ANKLE2: variants seen among roughly 807,000 people sequenced by gnomAD.
ANKLE2 encodes ankyrin repeat and LEM domain containing 2, also known as ankyrin repeat and LEM domain-containing protein 2.
ANKLE2 carries 55 observed loss-of-function variants against 84.2 expected under a neutral mutation model. The observed-to-expected ratio is 0.65, with a 90% CI of 0.53 to 0.82. The LOEUF is 0.82. Among genes scored for constraint, ANKLE2 ranks in the 40% least tolerant of loss-of-function variants. ANKLE2 has a pLI of 0.00. For missense variants in ANKLE2, 1,238 were observed against 1,201.9 expected, an observed-to-expected ratio of 1.03 and a Z score of -0.44; for synonymous variants, 551 against 486.1, an observed-to-expected ratio of 1.13 and a Z score of -1.76.
chr12:132,734,699 C>T, intron 9 of ANKLE2, 124 bp from the exon 10 acceptor site: 2 of 1,023,632 alleles, frequency 2.0e-6, no homozygotes, highest in South Asian at 1.7e-5. Flanking sequence ...TATAATTTTC[C>T]TTTATCCTTA....
rs773120977 is a variant in ANKLE2, at chr12:132,743,251, G to A, written c.1256C>T (p.Ala419Val). Residue 419 changes from alanine to valine, a missense_variant, in exon 6 of 13, where the codon GCT (alanine) becomes GTT (valine). Around this residue, in one of 3 missense-constraint regions of ANKLE2, gnomAD observed 802 missense variants for 774.5 expected, o/e 1.04. Transcript: ENST00000357997. The surrounding 1 kb of genome is among the most constrained non-coding windows in gnomAD (Gnocchi z 4.1). ...KMGYDTPLHF[A>V]CKFGNADVVN... ...TACATCTGCATTTCCAAACTTACAA[G>A]CAAAATGCAACGGTGTGTCATAGCC... 1 of 1,611,170 alleles carries A rather than the reference G, an allele frequency of 6.2e-7. No individual in the cohort carries two copies. Among genetic ancestry groups the A allele is most frequent in the Non-Finnish European group, 8.5e-7 (1 of 1,178,650 alleles).
chr12:132,730,532 G>A (rs2043819962), intron 10 of ANKLE2: 1 of 440,382 alleles, frequency 2.3e-6, no homozygotes, highest in African/African-American at 1.9e-5. Context: ...GACACAATCA[G>A]GCTGCTGGGG....
At chr12:132,731,104 G>A (rs1237873573) in intron 10 of ANKLE2, 1 of 152,354 alleles carries the variant, frequency 6.6e-6, no homozygotes, top group East Asian at 1.9e-4. Context: ...GAAATGTCCC[G>A]TTTGGTGTTC....
chr12:132,756,241 A>C (rs1159435329), intron 1 of ANKLE2: 4 of 151,698 alleles, frequency 2.6e-5, no homozygotes, highest in Middle Eastern at 3.1e-3. Context: ...GTGGTGGTAC[A>C]TGCCTGTAAC....
intron 2 of ANKLE2, among the ~76,000 whole-genome samples, chr12:132,752,985 C>A (rs961070250): frequency 1.4e-5 from 2 of 145,278 alleles, no homozygotes; most frequent in African/African-American, 5.0e-5. Context: ...AAGCGAGACC[C>A]AGTCTCTTAA....
rs1430629144 is a variant in ANKLE2, at chr12:132,732,478, T to C, written c.1891+1907A>G. Among the ~76,000 whole-genome samples, 399 of 128,472 alleles carry C rather than the reference T, an allele frequency of 3.1e-3. 3 individuals carry two copies. Among genetic ancestry groups the C allele is most frequent in the African/African-American group, 0.012 (374 of 31,440 alleles). The allele number at this position is 128,472 out of a possible 152,430, so 84.3% of individuals were successfully genotyped here. A position where few individuals can be genotyped will look rare whatever the true frequency, so the allele number is the denominator to read the frequency against. ...GCTCTCTGCGTGCTGGTGTCTGACATGCACCGTGTGAAGCTCTCTGAGTGC... is the reference window on the plus strand; with the variant it reads ...GCTCTCTGCGTGCTGGTGTCTGACACGCACCGTGTGAAGCTCTCTGAGTGC... On this transcript the variant is annotated intron_variant, in intron 10 of 12. Coordinates refer to ENST00000357997, the MANE Select transcript of ANKLE2 (RefSeq NM_015114.3).
chr12:132,727,305 G>T lies in ANKLE2; in HGVS notation c.2754C>A (p.Tyr918Ter). 1 of 1,564,978 alleles carries T rather than the reference G, an allele frequency of 6.4e-7. No homozygotes were observed. Among genetic ancestry groups the T allele is most frequent in the Non-Finnish European group, 8.7e-7 (1 of 1,155,374 alleles). The change falls in exon 13 of 13, where the codon TAC becomes TAA. Residue 918 changes from tyrosine to a stop codon, truncating the protein, a stop_gained. Transcript: ENST00000357997. LOFTEE classifies it low-confidence loss of function (END_TRUNC). ...GGAGCTGGCTCCCGTGCACGGGGCT[G>T]TAGCGCCCAGGACTGCCCAGGCCTG... is the stretch of plus-strand genomic sequence containing the variant. ...AKPGLGSPGR[Y>*]SPVHGSQLRR...
At chr12:132,735,033 C>T (rs375327500) in intron 9 of ANKLE2, 10 of 286,806 alleles carry the variant, frequency 3.5e-5, no homozygotes, top group South Asian at 1.8e-4. Context: ...AACAATTCCA[C>T]GAAGCTTTAT....
At chr12:132,738,918 AT>A (rs2044067273) in intron 7 of ANKLE2, 1 of 152,190 alleles carries the variant, frequency 6.6e-6, no homozygotes. Context: ...TGTGGTACAT[AT>A]ATACCACAGG....
chr12:132,734,694 T>C (rs562712254), intron 9 of ANKLE2, 119 bp from the exon 10 acceptor site: 1 of 1,060,022 alleles, frequency 9.4e-7, no homozygotes, highest in Admixed American at 2.6e-5. Context: ...ATGGTTATAA[T>C]TTTCCTTTAT....
At chr12:132,749,050 A>G (rs2136162690) in intron 3 of ANKLE2, 1 of 152,138 alleles carries the variant, frequency 6.6e-6, no homozygotes, top group East Asian at 1.9e-4. Context: ...GAGGAGGAAT[A>G]ACGGCAGCAG....
chr12:132,761,600 C>T lies in ANKLE2; in HGVS notation c.181+18G>A, dbSNP rs1261602780. Reference sequence around the variant, plus strand: ...AAGGGGCCAGGGTGCGGGGACCCAGCGACCGCCTGGGCCTTACCTGAGGCG... The same window carrying T: ...AAGGGGCCAGGGTGCGGGGACCCAGTGACCGCCTGGGCCTTACCTGAGGCG... On this transcript the variant is annotated intron_variant, in intron 1 of 12. Transcript: ENST00000357997. 1.6e-6 allele frequency: 2 copies of T among 1,220,090 alleles called. No individual in the cohort carries two copies. The highest frequency in any genetic ancestry group is 3.7e-5 in the South Asian group (1 of 26,844). 75.6% of individuals were successfully genotyped at this position (1,220,090 alleles called of 1,614,324 possible). A position where few individuals can be genotyped will look rare whatever the true frequency, so the allele number is the denominator to read the frequency against.
At chr12:132,744,704 AGAGTC>A (rs2044198864) in intron 5 of ANKLE2, among the ~76,000 whole-genome samples, 1 of 151,876 alleles carries the variant, frequency 6.6e-6, no homozygotes, top group African/African-American at 2.4e-5. Context: ...TTTTTGAGAC[AGAGTC>A]TCACTCTGTC....
intron 1 of ANKLE2, 80 bp downstream of exon 1, chr12:132,761,538 C>T (rs902287194): frequency 6.2e-6 from 7 of 1,130,306 alleles, no homozygotes; most frequent in African/African-American, 1.6e-5. Context: ...AGGGGCGCGG[C>T]CGGGACCCCA....
intron 10 of ANKLE2, chr12:132,732,106 A>C (rs77082765): frequency 7.5e-6 from 1 of 133,410 alleles, no homozygotes; most frequent in African/African-American, 2.9e-5. Flanking sequence ...GATATACACC[A>C]TGTGAAGCGC....
At chr12:132,754,547 T>C in intron 2 of ANKLE2, 128 bp downstream of exon 2, 1 of 838,686 alleles carries the variant, frequency 1.2e-6, no homozygotes, top group Non-Finnish European at 1.8e-6. Flanking sequence ...AATGGTTAAC[T>C]GGGGTGATGA....
At chr12:132,741,926 C>T in intron 6 of ANKLE2, 1 of 434,864 alleles carries the variant, frequency 2.3e-6, no homozygotes, top group South Asian at 1.6e-5. Flanking sequence ...TCTATTTTTG[C>T]CACTAAAGAA....
At position 132,741,440 on chromosome 12, in the gene ANKLE2, G is replaced by A. The variant is rs1239292815; in HGVS notation, c.1399C>T (p.Arg467Trp). 6.2e-7 allele frequency: 1 copy of A among 1,614,112 alleles called. No individual in the cohort carries two copies. The highest frequency in any genetic ancestry group is 8.5e-7 in the Non-Finnish European group (1 of 1,180,012). Residue 467 changes from arginine (R) to tryptophan (W), a missense_variant, in exon 7 of 13, where the codon CGG becomes TGG. Physicochemically the swap from Arg to Trp is moderately radical, Grantham distance 101. Coordinates refer to ENST00000357997, the MANE Select transcript of ANKLE2 (RefSeq NM_015114.3). ...SKNKSVELKE[R>W]IREYLKGHYY... The stretch of plus-strand genomic sequence containing the variant: ...TTACCCTTTAAATACTCTCTGATCC[G>A]CTCCTTCAGTTCCACAGATTTATTT...
In ANKLE2 at chr12:132,750,862, A is replaced by T. The variant is rs200887167; in HGVS notation, c.641-13T>A. 13 of 1,611,464 alleles carry T rather than the reference A, an allele frequency of 8.1e-6. No homozygotes were observed. The highest frequency in any genetic ancestry group is 1.3e-5 in the African/African-American group (1 of 74,904). ...ACATAGATCCTTTCTGGGTAAGAAA[A>T]GTAACAAATGAAAATCAGAGAAGAG... On this transcript the variant is annotated splice_polypyrimidine_tract_variant and intron_variant, in intron 2 of 12. Transcript: ENST00000357997.
Sources: allele counts gnomAD v4.1 joint callset (sites outside exome capture counted in the v4.1 genomes callset), GRCh38; gene constraint gnomAD v4.1.1; regional missense constraint gnomAD v4.1.1; non-coding constraint Gnocchi (gnomAD v3.1); transcripts MANE v1.5; gene names NCBI Gene and HGNC (gene_info 2026-07-23, HGNC 2026-07-21).